MMP26: variants seen among roughly 807,000 people sequenced by gnomAD.
The protein encoded by MMP26 is matrix metallopeptidase 26.
A neutral mutation model predicts 31.0 loss-of-function variants in MMP26; 33 were observed. That is an observed-to-expected ratio of 1.06 (90% CI 0.81 to 1.42). The LOEUF is 1.42. MMP26 is among the 40% of genes most tolerant of loss of function. MMP26 has a pLI of 0.00. For missense variants in MMP26, 347 were observed against 316.1 expected (o/e 1.10, Z -0.74); for synonymous variants, 122 against 114.9 (o/e 1.06, Z -0.40).
rs182656755 is a variant in MMP26, at chr11:4,744,611, C to T, written c.-216-22659C>T. ...ACTCAGCCCTATGAGGATCATTTACCTCGCCCCACAAAAAAACTTATTCTT... is the reference window on the plus strand; with the variant it reads ...ACTCAGCCCTATGAGGATCATTTACTTCGCCCCACAAAAAAACTTATTCTT... On this transcript the variant is annotated intron_variant, in intron 1 of 7. Coordinates refer to ENST00000380390, the MANE Select transcript of MMP26 (RefSeq NM_021801.5). Among the ~76,000 whole-genome samples, 78 of 152,216 alleles carry T rather than the reference C, an allele frequency of 5.1e-4. 1 individual carries two copies. In the South Asian group the frequency reaches 0.014, roughly 27 times the overall value.
chr11:4,908,216 C>A (rs1267218341), intron 2 of MMP26: 3 of 1,614,004 alleles, frequency 1.9e-6, no homozygotes, highest in African/African-American at 1.3e-5. Flanking sequence ...CTTGTTGGTG[C>A]CGCCCCTTAT....
intron 2 of MMP26, among the ~76,000 whole-genome samples, chr11:4,773,763 A>G (rs1023306091): frequency 2.6e-5 from 4 of 151,822 alleles, no homozygotes; most frequent in Admixed American, 6.6e-5. Flanking sequence ...TGCATTAGCT[A>G]TTTTTCCTAA....
Position 4,871,436 on chromosome 11 carries a change from A to G in MMP26, c.-145+104095A>G, listed in dbSNP as rs1418453608. ...AGCACTAGGGTTTAATCGTATTTCA[A>G]TATAGTTAGTGATGCACGTTCATAT... On this transcript the variant is annotated intron_variant, in intron 2 of 7. Transcript: ENST00000380390. Among the ~76,000 whole-genome samples, 4 of 152,232 alleles carry G rather than the reference A, an allele frequency of 2.6e-5. No homozygotes were observed. In the East Asian group the frequency reaches 7.7e-4, roughly 29 times the overall value.
intron 2 of MMP26, among the ~76,000 whole-genome samples, chr11:4,782,667 A>G (rs1179568800): frequency 6.6e-6 from 1 of 152,186 alleles, no homozygotes; most frequent in Admixed American, 6.5e-5. Flanking sequence ...AGGGCATGTC[A>G]GAGACCTTTG....
At chr11:4,815,008 A>G (rs1849401818) in intron 2 of MMP26, among the ~76,000 whole-genome samples, 3 of 152,200 alleles carry the variant, frequency 2.0e-5, no homozygotes, top group Non-Finnish European at 4.4e-5. Context: ...ACATCAATCA[A>G]TAAGTTTAAG....
chr11:4,726,839 T>A (rs1259874567), intron 1 of MMP26, among the ~76,000 whole-genome samples: 1 of 152,052 alleles, frequency 6.6e-6, no homozygotes, highest in Non-Finnish European at 1.5e-5. Flanking sequence ...AGATCTGATC[T>A]CTACAAAAAA....
intron 2 of MMP26, among the ~76,000 whole-genome samples, chr11:4,796,119 A>T (rs557749502): frequency 3.3e-5 from 5 of 152,266 alleles, no homozygotes; most frequent in Non-Finnish European, 5.9e-5. Flanking sequence ...CTACAGCTGC[A>T]GTTCCCGGGA....
At chr11:4,801,570 T>C (rs1849183693) in intron 2 of MMP26, among the ~76,000 whole-genome samples, 1 of 151,494 alleles carries the variant, frequency 6.6e-6, no homozygotes, top group African/African-American at 2.4e-5. Context: ...GAGATGGAGT[T>C]TCACTCTTGT....
intron 1 of MMP26, among the ~76,000 whole-genome samples, chr11:4,757,476 T>C (rs1376008076): frequency 6.6e-6 from 1 of 151,714 alleles, no homozygotes; most frequent in Non-Finnish European, 1.5e-5. Flanking sequence ...ATGATCAATA[T>C]CAGACTTCAA....
At chr11:4,831,379 TG>T (rs1392551534) in intron 2 of MMP26, among the ~76,000 whole-genome samples, 1 of 152,166 alleles carries the variant, frequency 6.6e-6, no homozygotes, top group Non-Finnish European at 1.5e-5. Flanking sequence ...TGGCAAATGG[TG>T]TTTGCTACCA....
Position 4,946,442 on chromosome 11 carries a change from G to T in MMP26, c.-144-41626G>T, listed in dbSNP as rs146223219. 3.1e-6 allele frequency: 5 copies of T among 1,609,904 alleles called. No homozygotes were observed. The African/African-American group carries it at 6.7e-5, about 22-fold the overall frequency. ...TCCCAGTACAGTCTTGAGGATCAGG[G>T]TGTAAGACACAGCAATGAGAATAAA... is the stretch of plus-strand genomic sequence containing the variant. On this transcript the variant is annotated intron_variant, in intron 2 of 7. Coordinates refer to ENST00000380390, the MANE Select transcript of MMP26 (RefSeq NM_021801.5).
chr11:4,988,262 C>T lies in MMP26; in HGVS notation c.51C>T (p.Ala17=), dbSNP rs746146799. 1.6e-5 allele frequency: 26 copies of T among 1,613,886 alleles called. No homozygotes were observed. The highest frequency in any genetic ancestry group is 4.5e-5 in the East Asian group (2 of 44,870). ...CTATCTTCTTGCCCTGGTGTTTCGC[C>T]GTTCCAGTGCCCCCTGCTGCAGACC... ...RVTIFLPWCF[A]VPVPPAADHK... The change falls in exon 3 of 8, where the codon GCC becomes GCT. Residue 17 remains alanine, a synonymous_variant. Transcript: ENST00000380390.
intron 2 of MMP26, chr11:4,804,496 G>C (rs139057968): frequency 4.4e-4 from 363 of 825,334 alleles, no homozygotes; most frequent in Non-Finnish European, 7.1e-4. Context: ...TGGATACCAG[G>C]GTGATTGGGT....
At chr11:4,882,607 A>G in intron 2 of MMP26, 1 of 1,613,954 alleles carries the variant, frequency 6.2e-7, no homozygotes, top group Non-Finnish European at 8.5e-7. Context: ...GAAAGAAGCA[A>G]CAAAAAGCTC....
intron 2 of MMP26, among the ~76,000 whole-genome samples, chr11:4,938,620 C>T (rs773126019): frequency 6.6e-6 from 1 of 152,096 alleles, no homozygotes; most frequent in Non-Finnish European, 1.5e-5. Context: ...CATGAAAATA[C>T]TCATGTCTTA....
chr11:4,771,886 C>T lies in MMP26; in HGVS notation c.-145+4545C>T, dbSNP rs937180752. 6.6e-5 allele frequency among the ~76,000 whole-genome samples: 10 copies of T among 152,300 alleles called. No homozygotes were observed. The South Asian group carries it at 8.3e-4, about 13-fold the overall frequency. ...CAGGGCAAACCCTCATGATATCTGA[C>T]TTTTCTATAAACCCATATGACTATT... is the stretch of plus-strand genomic sequence containing the variant. On this transcript the variant is annotated intron_variant, in intron 2 of 7. Coordinates refer to ENST00000380390, the MANE Select transcript of MMP26 (RefSeq NM_021801.5).
chr11:4,967,756 C>T (rs1846616068), intron 2 of MMP26, among the ~76,000 whole-genome samples: 1 of 152,118 alleles, frequency 6.6e-6, no homozygotes, highest in African/African-American at 2.4e-5. Flanking sequence ...GTTACAGATT[C>T]TTTTTGAACT....
At chr11:4,941,574 G>C (rs906602203) in intron 2 of MMP26, among the ~76,000 whole-genome samples, 2 of 152,122 alleles carry the variant, frequency 1.3e-5, no homozygotes, top group Admixed American at 6.5e-5. Flanking sequence ...TTTTGAATGG[G>C]ATGTAAATCA....
At chr11:4,813,353 G>A (rs1323458926) in intron 2 of MMP26, among the ~76,000 whole-genome samples, 3 of 151,986 alleles carry the variant, frequency 2.0e-5, no homozygotes, top group African/African-American at 7.2e-5. Flanking sequence ...AAATGTATCA[G>A]TAATTGATTT....
Sources: gnomAD v4.1 joint callset for allele counts (sites outside exome capture counted in the v4.1 genomes callset) on GRCh38, gnomAD v4.1.1 for gene constraint, MANE v1.5 for transcripts, NCBI Gene and HGNC (gene_info 2026-07-23, HGNC 2026-07-21) for gene names.